The following MYO10 variants were observed in gnomAD, a reference collection of about 807,000 sequenced individuals.
MYO10 encodes unconventional myosin-X.
Under a neutral mutation model 257.3 loss-of-function variants are expected in MYO10, and 133 were observed. That is an observed-to-expected ratio of 0.52 (90% confidence interval 0.45 to 0.60). MYO10 has a LOEUF of 0.60. Among genes scored for constraint, MYO10 ranks in the 20% least tolerant of loss-of-function variants. The pLI is 0.00. For synonymous variants in MYO10, 1,104 were observed against 1,028.6 expected, an observed-to-expected ratio of 1.07 and a Z score of -1.40; for missense variants, 2,399 against 2,635.7, an observed-to-expected ratio of 0.91 and a Z score of 1.97.
At chr5:16,873,898 G>A (rs1744517068) in intron 2 of MYO10, among the ~76,000 whole-genome samples, 1 of 152,164 alleles carries the variant, frequency 6.6e-6, no homozygotes, top group Admixed American at 6.5e-5. Context: ...TTCCTCCTGG[G>A]CCTCTGGGAC....
chr5:16,752,148 A>C (rs973704028), intron 19 of MYO10, among the ~76,000 whole-genome samples: 5 of 152,160 alleles, frequency 3.3e-5, no homozygotes, highest in African/African-American at 1.2e-4. Context: ...TTATTATAGC[A>C]CTGCCAGGGC....
intron 14 of MYO10, among the ~76,000 whole-genome samples, chr5:16,762,968 GAAAAAAA>G (rs35384200): frequency 8.5e-6 from 1 of 117,582 alleles, no homozygotes; most frequent in African/African-American, 3.2e-5. Flanking sequence ...CGTCTCAGGG[GAAAAAAA>G]AAAAAAAAAA....
intron 1 of MYO10, among the ~76,000 whole-genome samples, chr5:16,920,070 C>CACT (rs1159290371): frequency 6.6e-6 from 1 of 152,084 alleles, no homozygotes; most frequent in Non-Finnish European, 1.5e-5. Context: ...GACATTGTGC[C>CACT]ACTGCACTCC....
chr5:16,876,085 G>T (rs1044826465), intron 2 of MYO10, among the ~76,000 whole-genome samples: 1 of 151,992 alleles, frequency 6.6e-6, no homozygotes, highest in Admixed American at 6.6e-5. Flanking sequence ...TGCACTCCAG[G>T]CTGGGCAACA....
At chr5:16,829,473 A>C (rs1030973513) in intron 2 of MYO10, among the ~76,000 whole-genome samples, 2 of 152,132 alleles carry the variant, frequency 1.3e-5, no homozygotes, top group African/African-American at 4.8e-5. Context: ...CGCCACAAAC[A>C]CTGCTGTTCC....
intron 36 of MYO10, 111 bp downstream of exon 36, chr5:16,673,571 G>C: frequency 8.6e-7 from 1 of 1,167,322 alleles, no homozygotes; most frequent in Non-Finnish European, 1.2e-6. Context: ...GCTGTACTAA[G>C]CAAACTGCAA....
intron 1 of MYO10, among the ~76,000 whole-genome samples, chr5:16,917,680 G>A (rs1745860896): frequency 1.3e-5 from 2 of 149,008 alleles, no homozygotes. Flanking sequence ...GCAACACAGG[G>A]AGACCCATCT....
chr5:16,861,685 G>A (rs1026121170), intron 2 of MYO10, among the ~76,000 whole-genome samples: 1 of 152,166 alleles, frequency 6.6e-6, no homozygotes, highest in Non-Finnish European at 1.5e-5. Context: ...GCAAGAAAGC[G>A]GAGGACAGGT....
At chr5:16,853,266 C>A in intron 2 of MYO10, among the ~76,000 whole-genome samples, 1 of 151,170 alleles carries the variant, frequency 6.6e-6, no homozygotes. Flanking sequence ...CCCAGCTACT[C>A]GGGAGGCTGA....
chr5:16,848,773 A>G (rs771431488), intron 2 of MYO10, among the ~76,000 whole-genome samples: 10 of 151,926 alleles, frequency 6.6e-5, no homozygotes, highest in Non-Finnish European at 1.5e-4. Context: ...CTCAGTGGCT[A>G]TAATTGGAAA....
intron 3 of MYO10, among the ~76,000 whole-genome samples, chr5:16,795,834 C>T (rs1173000232): frequency 6.6e-6 from 1 of 151,976 alleles, no homozygotes; most frequent in African/African-American, 2.4e-5. Flanking sequence ...GTCAAAATGG[C>T]AAATTTTATG....
chr5:16,752,584 C>T (rs1304635370), intron 19 of MYO10, among the ~76,000 whole-genome samples: 1 of 152,188 alleles, frequency 6.6e-6, no homozygotes, highest in African/African-American at 2.4e-5. Context: ...CCACGCCTAG[C>T]CAAACACCCA....
intron 33 of MYO10, among the ~76,000 whole-genome samples, chr5:16,677,443 T>A (rs921173926): frequency 2.0e-5 from 3 of 146,802 alleles, no homozygotes; most frequent in African/African-American, 7.5e-5. Context: ...TGAGACGGAG[T>A]CTTGCTCTTT....
chr5:16,931,901 CAA>C (rs1420250135), intron 1 of MYO10, among the ~76,000 whole-genome samples: 3 of 152,114 alleles, frequency 2.0e-5, no homozygotes, highest in Non-Finnish European at 4.4e-5. Flanking sequence ...GAAAAGATGT[CAA>C]TAGATCACAA....
chr5:16,875,919 C>A (rs531012036), intron 2 of MYO10, among the ~76,000 whole-genome samples: 1 of 152,206 alleles, frequency 6.6e-6, no homozygotes, highest in Admixed American at 6.5e-5. Flanking sequence ...ACCAGCCTGG[C>A]CAACATGGTG....
intron 19 of MYO10, among the ~76,000 whole-genome samples, chr5:16,712,464 G>A (rs1738664163): frequency 6.6e-6 from 1 of 152,118 alleles, no homozygotes; most frequent in African/African-American, 2.4e-5. Context: ...CTTTAATTAA[G>A]CTGCATGTTG....
rs911808383 is a variant in MYO10 at position 16,794,580 on chromosome 5, G to A, written c.467+66C>T. The A allele has an allele frequency of 2.8e-6, 4 of 1,444,388 alleles. No homozygotes were observed. In the South Asian group the frequency reaches 5.6e-5, roughly 20 times the overall value. 89.5% of individuals were successfully genotyped at this position (1,444,388 alleles called of 1,614,324 possible). ...TCTGGTTAATGCCCTAAGGAGGCTG[G>A]GGTTGGGGGTGCGCGGAGGGACTCC... On this transcript the variant is annotated intron_variant, in intron 4 of 40. Coordinates refer to ENST00000513610, the MANE Select transcript of MYO10 (RefSeq NM_012334.3).
At chr5:16,679,221 C>T (rs1007705386) in intron 33 of MYO10, among the ~76,000 whole-genome samples, 2 of 152,132 alleles carry the variant, frequency 1.3e-5, no homozygotes, top group Non-Finnish European at 2.9e-5. Flanking sequence ...GGAAACTGTA[C>T]AGTGACAGTG....
chr5:16,739,967 G>A (rs1272912027), intron 19 of MYO10, among the ~76,000 whole-genome samples: 3 of 152,096 alleles, frequency 2.0e-5, no homozygotes, highest in African/African-American at 7.2e-5. Flanking sequence ...GCATATTTTT[G>A]AGGGTCATAG....
Sources: gnomAD v4.1 joint callset for allele counts (sites outside exome capture counted in the v4.1 genomes callset) on GRCh38, gnomAD v4.1.1 for gene constraint, MANE v1.5 for transcripts, NCBI Gene and HGNC (gene_info 2026-07-23, HGNC 2026-07-21) for gene names.